The following SPIDR variants were observed in gnomAD, a reference collection of about 807,000 sequenced individuals.
SPIDR encodes scaffold protein involved in DNA repair, also known as DNA repair-scaffolding protein.
A neutral mutation model predicts 104.6 loss-of-function variants in SPIDR; 93 were observed. The observed-to-expected ratio is 0.89, with a 90% confidence interval of 0.75 to 1.06. The LOEUF (loss-of-function observed/expected upper bound fraction) is 1.06. Ranked by LOEUF, SPIDR falls within the 50% of genes least tolerant of loss-of-function variation. SPIDR has a pLI of 0.00. For synonymous variants in SPIDR, 431 were observed against 416.9 expected (o/e 1.03, Z -0.41); for missense variants, 1,154 against 1,111.2 (o/e 1.04, Z -0.55).
chr8:47,455,421 A>C (rs1299798089), intron 8 of SPIDR, among the ~76,000 whole-genome samples: 6 of 141,860 alleles, frequency 4.2e-5, no homozygotes, highest in African/African-American at 1.5e-4. Context: ...ACAGACACAC[A>C]AAAAAAACAG....
At chr8:47,307,533 G>GTTTTT (rs71225675) in intron 5 of SPIDR, among the ~76,000 whole-genome samples, 19 of 72,140 alleles carry the variant, frequency 2.6e-4, no homozygotes, top group South Asian at 4.6e-4. Context: ...TTCTCATTTC[G>GTTTTT]TTTTTTTTTT....
chr8:47,457,409 T>C (rs540652235), intron 8 of SPIDR, among the ~76,000 whole-genome samples: 1 of 152,192 alleles, frequency 6.6e-6, no homozygotes, highest in Non-Finnish European at 1.5e-5. Flanking sequence ...ATATCTTCTT[T>C]TGAGAATTGT....
At chr8:47,658,085 T>G (rs1452071457) in intron 10 of SPIDR, among the ~76,000 whole-genome samples, 2 of 146,974 alleles carry the variant, frequency 1.4e-5, no homozygotes, top group Non-Finnish European at 3.0e-5. Context: ...AAAAGAGGTA[T>G]CTTTGAAAAC....
At chr8:47,712,606 C>A in intron 14 of SPIDR, 56 bp from the exon 15 acceptor site, 1 of 1,544,928 alleles carries the variant, frequency 6.5e-7, no homozygotes, top group Non-Finnish European at 8.8e-7. Flanking sequence ...CTTTTAAATG[C>A]TTTTAAAACA....
At chr8:47,321,037 A>G (rs1226293418) in intron 5 of SPIDR, among the ~76,000 whole-genome samples, 3 of 152,196 alleles carry the variant, frequency 2.0e-5, no homozygotes, top group Admixed American at 6.5e-5. Flanking sequence ...CTGGCACAAG[A>G]CAGGGATGCC....
At chr8:47,522,627 A>G (rs1278747752) in intron 8 of SPIDR, among the ~76,000 whole-genome samples, 1 of 152,226 alleles carries the variant, frequency 6.6e-6, no homozygotes, top group Non-Finnish European at 1.5e-5. Context: ...CCAAAATCAC[A>G]CAATGTCACT....
chr8:47,298,584 T>C (rs1387221919), intron 5 of SPIDR, among the ~76,000 whole-genome samples: 1 of 152,230 alleles, frequency 6.6e-6, no homozygotes, highest in Admixed American at 6.5e-5. Flanking sequence ...TTTATGGTTT[T>C]AGGTCTAACA....
intron 5 of SPIDR, among the ~76,000 whole-genome samples, chr8:47,312,458 C>G (rs1324341198): frequency 6.6e-6 from 1 of 152,176 alleles, no homozygotes; most frequent in Non-Finnish European, 1.5e-5. Context: ...ATTTGCATTT[C>G]TCTGATGGCC....
intron 8 of SPIDR, among the ~76,000 whole-genome samples, chr8:47,504,311 T>C (rs1028521160): frequency 1.3e-5 from 2 of 152,232 alleles, no homozygotes; most frequent in African/African-American, 4.8e-5. Flanking sequence ...TAGTCCCATA[T>C]TTCTTGGAGG....
intron 11 of SPIDR, among the ~76,000 whole-genome samples, chr8:47,696,735 C>T (rs2079387624): frequency 1.3e-5 from 2 of 152,204 alleles, no homozygotes; most frequent in Admixed American, 6.5e-5. Context: ...ACTGTCTTTC[C>T]TCCTCAAACA....
chr8:47,470,393 A>T (rs1259202523), intron 8 of SPIDR, among the ~76,000 whole-genome samples: 1 of 151,946 alleles, frequency 6.6e-6, no homozygotes, highest in Non-Finnish European at 1.5e-5. Flanking sequence ...GATTTAAGCA[A>T]TTCTCCTACC....
At chr8:47,610,822 A>G (rs750320509) in intron 10 of SPIDR, among the ~76,000 whole-genome samples, 4 of 152,214 alleles carry the variant, frequency 2.6e-5, no homozygotes, top group Non-Finnish European at 4.4e-5. Context: ...GAATTTTCAC[A>G]TTTATTTGCA....
At chr8:47,499,266 A>G (rs1221391212) in intron 8 of SPIDR, among the ~76,000 whole-genome samples, 1 of 152,226 alleles carries the variant, frequency 6.6e-6, no homozygotes, top group Admixed American at 6.5e-5. Context: ...ACAGAAGTTC[A>G]TGCAAAGTCT....
intron 8 of SPIDR, among the ~76,000 whole-genome samples, chr8:47,581,176 T>C (rs2059659466): frequency 1.3e-5 from 2 of 152,180 alleles, no homozygotes; most frequent in South Asian, 4.1e-4. Context: ...GCAGCACCGG[T>C]AACCTACTGT....
chr8:47,457,110 G>C (rs1554710302), intron 8 of SPIDR, among the ~76,000 whole-genome samples: 1 of 152,030 alleles, frequency 6.6e-6, no homozygotes, highest in East Asian at 1.9e-4. Flanking sequence ...CTTTTCCTCT[G>C]GGTCAATACC....
At chr8:47,481,555 C>T (rs565266679) in intron 8 of SPIDR, among the ~76,000 whole-genome samples, 5 of 152,204 alleles carry the variant, frequency 3.3e-5, no homozygotes, top group African/African-American at 7.2e-5. Context: ...GCAGGAGAAT[C>T]GCCTGAACCT....
chr8:47,499,712 T>G lies in SPIDR; in HGVS notation c.1097+59170T>G, dbSNP rs2080059693. Among the ~76,000 whole-genome samples, 4 of 152,152 alleles carry G rather than the reference T, an allele frequency of 2.6e-5. No homozygotes were observed. In the South Asian group the frequency reaches 8.3e-4, roughly 32 times the overall value. On this transcript the variant is annotated intron_variant, in intron 8 of 19. Coordinates refer to ENST00000297423, the MANE Select transcript of SPIDR (RefSeq NM_001080394.4). The stretch of plus-strand genomic sequence containing the variant: ...TGCAGGTTAGTTACATATGTATACA[T>G]GTGCCATGTCGGTATGCTACACCCA...
rs372441814 is a variant in SPIDR, at chr8:47,729,073, G to A, written c.2550+26G>A. The A allele has an allele frequency of 3.2e-5, 52 of 1,611,254 alleles. 1 individual carries two copies. In the Middle Eastern group the frequency reaches 4.9e-4, roughly 15 times the overall value. On this transcript the variant is annotated intron_variant, in intron 18 of 19. Transcript: ENST00000297423. ...GTAGGAGCCAGGCCAGAGCACGCAC[G>A]CACTCCTAGCTCACTCCAACATAGC...
At chr8:47,310,203 G>A (rs1358851210) in intron 5 of SPIDR, among the ~76,000 whole-genome samples, 3 of 151,666 alleles carry the variant, frequency 2.0e-5, no homozygotes, top group Non-Finnish European at 4.4e-5. Flanking sequence ...GCGTGTTGGT[G>A]GGCGCCTGTA....
Sources: gnomAD v4.1 joint callset for allele counts (sites outside exome capture counted in the v4.1 genomes callset) on GRCh38, gnomAD v4.1.1 for gene constraint, MANE v1.5 for transcripts, NCBI Gene and HGNC (gene_info 2026-07-23, HGNC 2026-07-21) for gene names.